The following CLCC1 variants were observed in gnomAD, a reference collection of about 807,000 sequenced individuals.
The protein encoded by CLCC1 is chloride channel CLIC like 1.
A neutral mutation model predicts 63.3 loss-of-function variants in CLCC1; 39 were observed. That is an observed-to-expected ratio of 0.62 (90% CI 0.48 to 0.81). CLCC1 has a LOEUF of 0.81. CLCC1 is among the 30% of genes least tolerant of loss of function. The probability of loss-of-function intolerance (pLI) is 0.00; values close to 1 mark genes in which losing one functional copy is unlikely to be tolerated. For synonymous variants in CLCC1, 217 were observed against 239.8 expected, an observed-to-expected ratio of 0.90 and a Z score of 0.88; for missense variants, 549 against 669.4, an observed-to-expected ratio of 0.82 and a Z score of 1.98.
intron 2 of CLCC1, among the ~76,000 whole-genome samples, chr1:108,952,800 TAAAA>T (rs374960900): frequency 1.9e-4 from 27 of 138,592 alleles, no homozygotes; most frequent in Admixed American, 7.2e-4. Context: ...ACTCTGCCTT[TAAAA>T]AAAAAAAAAA....
At chr1:108,953,051 T>G (rs1655412117) in intron 2 of CLCC1, among the ~76,000 whole-genome samples, 1 of 152,242 alleles carries the variant, frequency 6.6e-6, no homozygotes, top group South Asian at 2.1e-4. Flanking sequence ...GCTACCATAT[T>G]GGACAGGGTG....
In CLCC1 at chr1:108,952,477, G is replaced by GT. The variant is rs1226775413; in HGVS notation, c.-11-2030dup. The stretch of plus-strand genomic sequence containing the variant: ...TGAGCCACAGCGCTTGGCCCCCCCT[G>GT]TTTTTTTTTAACAAATGAGAAATAA... On this transcript the variant is annotated intron_variant, in intron 2 of 12. Transcript: ENST00000369969. Among the ~76,000 whole-genome samples the GT allele has an allele frequency of 9.7e-3, 1,464 of 150,556 alleles. 6 individuals are homozygous for GT. Among genetic ancestry groups the GT allele is most frequent in the African/African-American group, 0.021 (861 of 41,204 alleles).
chr1:108,951,767 T>C, intron 2 of CLCC1, among the ~76,000 whole-genome samples: 1 of 35,046 alleles, frequency 2.9e-5, no homozygotes, highest in East Asian at 1.2e-3. Flanking sequence ...AATTGTATAC[T>C]TTTTTTTTTT....
At chr1:108,940,669 G>T (rs1653729615) in intron 8 of CLCC1, among the ~76,000 whole-genome samples, 1 of 152,294 alleles carries the variant, frequency 6.6e-6, no homozygotes, top group South Asian at 2.1e-4. Flanking sequence ...AAATAAAGTG[G>T]AATATTAGTT....
chr1:108,960,671 G>T (rs1468010813), intron 2 of CLCC1, among the ~76,000 whole-genome samples: 2 of 152,116 alleles, frequency 1.3e-5, no homozygotes, highest in African/African-American at 4.8e-5. Flanking sequence ...AGTAAAAAGA[G>T]AAACTGACAG....
chr1:108,937,641 TA>T (rs1465383072), intron 10 of CLCC1, among the ~76,000 whole-genome samples: 1 of 152,252 alleles, frequency 6.6e-6, no homozygotes, highest in Non-Finnish European at 1.5e-5. Flanking sequence ...GTAGACATTT[TA>T]ATCAGCTAGA....
chr1:108,929,680 A>G lies in CLCC1; in HGVS notation c.*2867T>C. 6.2e-7 allele frequency: 1 copy of G among 1,610,252 alleles called. No individual in the cohort carries two copies. Among genetic ancestry groups the G allele is most frequent in the Non-Finnish European group, 8.5e-7 (1 of 1,176,730 alleles). ...TTTCTTTCCCACAGTATGTCTTTTA[A>G]TCTCTCTCATAAACTTCTAGGGATC... is the stretch of plus-strand genomic sequence containing the variant. On this transcript the variant is annotated 3_prime_UTR_variant, in exon 13 of 13. Coordinates refer to ENST00000369969, the MANE Select transcript of CLCC1 (RefSeq NM_001377458.1).
At chr1:108,949,233 C>T (rs1424811551) in intron 4 of CLCC1, among the ~76,000 whole-genome samples, 2 of 152,246 alleles carry the variant, frequency 1.3e-5, no homozygotes, top group African/African-American at 4.8e-5. Flanking sequence ...CACCTCCTTA[C>T]CTCCACACTG....
At position 108,929,607 on chromosome 1, in the gene CLCC1, C is replaced by A. The variant is rs1309229998; in HGVS notation, c.*2940G>T. On this transcript the variant is annotated 3_prime_UTR_variant, in exon 13 of 13. Coordinates refer to ENST00000369969, the MANE Select transcript of CLCC1 (RefSeq NM_001377458.1). The stretch of plus-strand genomic sequence containing the variant: ...CTGAGAAGCCCCAAATAAAAGTTTA[C>A]AACTGCGTTTTCTTGTTGTGACTGA... 17 of 1,157,550 alleles carry A rather than the reference C, an allele frequency of 1.5e-5. No homozygotes were observed. Among genetic ancestry groups the A allele is most frequent in the Non-Finnish European group, 2.1e-5 (16 of 771,148 alleles). 71.7% of individuals were successfully genotyped at this position (1,157,550 alleles called of 1,614,324 possible). A position where few individuals can be genotyped will look rare whatever the true frequency, so the allele number is the denominator to read the frequency against.
chr1:108,930,728 A>G lies in CLCC1; in HGVS notation c.*1819T>C, dbSNP rs950520997. 6.6e-6 allele frequency: 1 copy of G among 152,304 alleles called. No individual in the cohort carries two copies. Among genetic ancestry groups the G allele is most frequent in the Non-Finnish European group, 1.5e-5 (1 of 68,232 alleles). The allele number at this position is 152,304 out of a possible 1,614,324, so 9.4% of individuals were successfully genotyped here. On this transcript the variant is annotated 3_prime_UTR_variant, in exon 13 of 13. Coordinates refer to ENST00000369969, the MANE Select transcript of CLCC1 (RefSeq NM_001377458.1). ...ACATAGTGAAACCCTGTCTCTACTA[A>G]AAATACAAAAATTAGCTGGGCATGG...
intron 2 of CLCC1, among the ~76,000 whole-genome samples, chr1:108,960,450 G>T (rs529556294): frequency 6.6e-6 from 1 of 152,288 alleles, no homozygotes; most frequent in Non-Finnish European, 1.5e-5. Context: ...TTAATTAGTT[G>T]GCCATTTATG....
chr1:108,948,052 A>G (rs1654764603), intron 4 of CLCC1, among the ~76,000 whole-genome samples: 1 of 152,206 alleles, frequency 6.6e-6, no homozygotes, highest in South Asian at 2.1e-4. Context: ...CTAATTCCAA[A>G]GCAACAATTT....
At position 108,930,935 on chromosome 1, in the gene CLCC1, C is replaced by CCAA. The variant is rs1651848336; in HGVS notation, c.*1609_*1611dup. The stretch of plus-strand genomic sequence containing the variant: ...AGCATGCTGGCACACACCTGTAGTC[C>CCAA]CAACTGCTTAAGAGGCTGAGGCAGG... On this transcript the variant is annotated 3_prime_UTR_variant, in exon 13 of 13. Transcript: ENST00000369969. 1 of 157,512 alleles carries CCAA rather than the reference C, an allele frequency of 6.3e-6. No homozygotes were observed. The highest frequency in any genetic ancestry group is 2.4e-5 in the African/African-American group (1 of 41,072). 9.8% of individuals were successfully genotyped at this position (157,512 alleles called of 1,614,324 possible).
chr1:108,929,591 C>A lies in CLCC1; in HGVS notation c.*2956G>T. The A allele has an allele frequency of 4.4e-6, 4 of 917,320 alleles. No homozygotes were observed. Among genetic ancestry groups the A allele is most frequent in the Non-Finnish European group, 5.3e-6 (3 of 564,912 alleles). 56.8% of individuals were successfully genotyped at this position (917,320 alleles called of 1,614,324 possible). A position where few individuals can be genotyped will look rare whatever the true frequency, so the allele number is the denominator to read the frequency against. ...AAACAAAGATTAATTTCTGAGAAGC[C>A]CCAAATAAAAGTTTACAACTGCGTT... On this transcript the variant is annotated 3_prime_UTR_variant, in exon 13 of 13. Transcript: ENST00000369969.
chr1:108,963,391 A>C lies in CLCC1; in HGVS notation c.-203T>G. 1 of 702,446 alleles carries C rather than the reference A, an allele frequency of 1.4e-6. No individual in the cohort carries two copies. Among genetic ancestry groups the C allele is most frequent in the South Asian group, 1.5e-5 (1 of 67,608 alleles). The allele number at this position is 702,446 out of a possible 1,614,324, so 43.5% of individuals were successfully genotyped here. On this transcript the variant is annotated 5_prime_UTR_variant, in exon 1 of 13. Transcript: ENST00000369969. Reference sequence around the variant, plus strand: ...GGATCCCCTGCCTGCCTCTCGAGGAAGACACCTGCCCAGGCCGGCCGCAGA... The same window carrying C: ...GGATCCCCTGCCTGCCTCTCGAGGACGACACCTGCCCAGGCCGGCCGCAGA...
chr1:108,943,609 G>C lies in CLCC1; in HGVS notation c.568C>G (p.Leu190Val). 2.5e-6 allele frequency: 4 copies of C among 1,575,034 alleles called. No homozygotes were observed. The highest frequency in any genetic ancestry group is 3.4e-6 in the Non-Finnish European group (4 of 1,165,542). ...AAAACCACGATGCAGAGCAGACAAA[G>C]AAGTACCTTAAAACAGAGAGAAGCA... ...VDPYNVLMVL[L>V]CLLCIVVLVA... is the part of the protein sequence containing the mutation. Residue 190 changes from leucine to valine, a missense_variant, in exon 7 of 13, where the codon CTT becomes GTT. Leu to Val is a conservative substitution (Grantham distance 32). Transcript: ENST00000369969.
rs1652119764 is a variant in CLCC1, at chr1:108,932,251, G to GTGAC, written c.*292_*295dup. 1 of 152,236 alleles carries GTGAC rather than the reference G, an allele frequency of 6.6e-6. No individual in the cohort carries two copies. The highest frequency in any genetic ancestry group is 2.4e-5 in the African/African-American group (1 of 41,546). 9.4% of individuals were successfully genotyped at this position (152,236 alleles called of 1,614,324 possible). A position where few individuals can be genotyped will look rare whatever the true frequency, so the allele number is the denominator to read the frequency against. Reference sequence around the variant, plus strand: ...ATTGTACCACCTCACTCCAGCCTGGGTGACAGAGCAAAACTCTCAAAAAAA... The same window carrying GTGAC: ...ATTGTACCACCTCACTCCAGCCTGGGTGACTGACAGAGCAAAACTCTCAAAAAAA... On this transcript the variant is annotated 3_prime_UTR_variant, in exon 13 of 13. Transcript: ENST00000369969.
At chr1:108,950,851 TTAAGA>T (rs1179433273) in intron 2 of CLCC1, among the ~76,000 whole-genome samples, 15 of 151,930 alleles carry the variant, frequency 9.9e-5, no homozygotes, top group African/African-American at 2.9e-4. Context: ...CCTTCTAGAG[TTAAGA>T]TAACACTTTC....
intron 5 of CLCC1, among the ~76,000 whole-genome samples, chr1:108,944,875 C>T (rs1024865129): frequency 1.3e-5 from 2 of 152,150 alleles, no homozygotes; most frequent in African/African-American, 2.4e-5. Flanking sequence ...ATGATCCGCC[C>T]GCCATGGCCT....
Sources: allele counts gnomAD v4.1 joint callset (sites outside exome capture counted in the v4.1 genomes callset), GRCh38; gene constraint gnomAD v4.1.1; transcripts MANE v1.5; gene names NCBI Gene and HGNC (gene_info 2026-07-23, HGNC 2026-07-21).